CCDC6: variants seen among roughly 807,000 people sequenced by gnomAD.
CCDC6 encodes the protein coiled-coil domain-containing protein 6.
Under a neutral mutation model 56.6 loss-of-function variants are expected in CCDC6, and 20 were observed. That is an observed-to-expected ratio of 0.35 (90% CI 0.25 to 0.51). CCDC6 has a LOEUF of 0.51. Ranked by LOEUF, CCDC6 falls within the 20% of genes least tolerant of loss-of-function variation. The pLI is 0.95. For synonymous variants in CCDC6, 241 were observed against 234.4 expected (o/e 1.03, Z -0.26); for missense variants, 367 against 601.1 (o/e 0.61, Z 4.07).
rs1379049831 is a variant in CCDC6 at position 59,791,146 on chromosome 10, T to C, written c.*1771A>G. ...AAAACCTAAAGCCTCAATGATTAAATGCCAAACTTCTTCCCTGCATCTGAG... is the reference window on the plus strand; with the variant it reads ...AAAACCTAAAGCCTCAATGATTAAACGCCAAACTTCTTCCCTGCATCTGAG... On this transcript the variant is annotated 3_prime_UTR_variant, in exon 9 of 9. Coordinates refer to ENST00000263102, the MANE Select transcript of CCDC6 (RefSeq NM_005436.5). 1 of 198,068 alleles carries C rather than the reference T, an allele frequency of 5.0e-6. No homozygotes were observed. The highest frequency in any genetic ancestry group is 2.3e-5 in the African/African-American group (1 of 43,408). The allele number at this position is 198,068 out of a possible 1,614,324, so 12.3% of individuals were successfully genotyped here.
At chr10:59,866,224 A>G (rs942255379) in intron 1 of CCDC6, among the ~76,000 whole-genome samples, 10 of 152,264 alleles carry the variant, frequency 6.6e-5, no homozygotes, top group South Asian at 2.1e-4. Context: ...GCAATTAAAG[A>G]AAAGCAACAT....
chr10:59,906,314 G>T lies in CCDC6; in HGVS notation c.111C>A (p.Gly37=). The T allele has an allele frequency of 6.3e-7, 1 of 1,599,962 alleles. No homozygotes were observed. The change falls in exon 1 of 9, where the codon GGC becomes GGA. Residue 37 remains glycine, a synonymous_variant. Coordinates refer to ENST00000263102, the MANE Select transcript of CCDC6 (RefSeq NM_005436.5). The part of the protein sequence containing the change: ...CSSTSGGGGG[G]GGGGGGGKSG... ...ACTTCCCACCGCCGCCGCCTCCCCC[G>T]CCGCCACCGCCGCCGCCCGAGGTCG... is the stretch of plus-strand genomic sequence containing the variant.
At chr10:59,795,633 C>G (rs1373531125) in intron 7 of CCDC6, among the ~76,000 whole-genome samples, 1 of 117,554 alleles carries the variant, frequency 8.5e-6, no homozygotes, top group African/African-American at 3.2e-5. Flanking sequence ...CTCCCCCCAC[C>G]CCACAACAGT....
In CCDC6 at chr10:59,856,528, C is replaced by T. The variant is rs368158340; in HGVS notation, c.304-3826G>A. On this transcript the variant is annotated intron_variant, in intron 1 of 8. Transcript: ENST00000263102. Reference sequence around the variant, plus strand: ...CTCTGTCTTAGTCCTGTTTATTCCCCCTTAATCCCAAGGCAAGACTTTTTA... The same window carrying T: ...CTCTGTCTTAGTCCTGTTTATTCCCTCTTAATCCCAAGGCAAGACTTTTTA... 9.2e-5 allele frequency among the ~76,000 whole-genome samples: 14 copies of T among 152,198 alleles called. No homozygotes were observed. The East Asian group carries it at 1.3e-3, about 15-fold the overall frequency.
intron 1 of CCDC6, among the ~76,000 whole-genome samples, chr10:59,865,846 T>A (rs2071172069): frequency 1.4e-5 from 1 of 71,312 alleles, no homozygotes; most frequent in African/African-American, 9.6e-5. Flanking sequence ...AGAGACTCCA[T>A]CTCCACAAAA....
At position 59,791,824 on chromosome 10, in the gene CCDC6, T is replaced by C. The variant is rs2070470487; in HGVS notation, c.*1093A>G. On this transcript the variant is annotated 3_prime_UTR_variant, in exon 9 of 9. Coordinates refer to ENST00000263102, the MANE Select transcript of CCDC6 (RefSeq NM_005436.5). ...AATAATGTATTCAGAATATACTTCT[T>C]TGTACACTGCACTTGCTTATACTGG... 1 of 217,390 alleles carries C rather than the reference T, an allele frequency of 4.6e-6. No homozygotes were observed. Among genetic ancestry groups the C allele is most frequent in the African/African-American group, 2.2e-5 (1 of 44,502 alleles). The allele number at this position is 217,390 out of a possible 1,614,324, so 13.5% of individuals were successfully genotyped here.
At chr10:59,804,574 G>C (rs1589035290) in intron 6 of CCDC6, 54 bp from the exon 7 acceptor site, 2 of 988,034 alleles carry the variant, frequency 2.0e-6, no homozygotes, top group East Asian at 4.8e-5. Context: ...ATAGGCCTTA[G>C]GAGAGTTTTT....
chr10:59,846,235 T>C (rs1023330714), intron 2 of CCDC6, among the ~76,000 whole-genome samples: 3 of 152,124 alleles, frequency 2.0e-5, no homozygotes, highest in African/African-American at 7.2e-5. Context: ...ACAGGACAAG[T>C]GAAAGAAGGC....
At chr10:59,882,072 C>CG (rs71185291) in intron 1 of CCDC6, among the ~76,000 whole-genome samples, 1 of 38,504 alleles carries the variant, frequency 2.6e-5, no homozygotes, top group African/African-American at 1.7e-4. Context: ...AGGAAAGCCG[C>CG]GGGGAGAAGG....
intron 1 of CCDC6, among the ~76,000 whole-genome samples, chr10:59,876,737 A>T (rs947250739): frequency 4.6e-5 from 7 of 152,122 alleles, no homozygotes; most frequent in African/African-American, 1.2e-4. Flanking sequence ...TATTAAAATT[A>T]AAAAAAATTA....
rs1180038450 is a variant in CCDC6 at position 59,858,769 on chromosome 10, G to A, written c.304-6067C>T. ...CACTGGTCACTTACTTGGATACAGA[G>A]CAATGAAAAATTGCTAGAAAAGTAG... On this transcript the variant is annotated intron_variant, in intron 1 of 8. Coordinates refer to ENST00000263102, the MANE Select transcript of CCDC6 (RefSeq NM_005436.5). Among the ~76,000 whole-genome samples the A allele has an allele frequency of 2.0e-5, 3 of 152,298 alleles. No individual in the cohort carries two copies. In the East Asian group the frequency reaches 5.8e-4, roughly 29 times the overall value.
At chr10:59,894,561 A>T (rs879814353) in intron 1 of CCDC6, among the ~76,000 whole-genome samples, 31 of 151,894 alleles carry the variant, frequency 2.0e-4, no homozygotes, top group Non-Finnish European at 3.8e-4. Context: ...TACAGCAGAC[A>T]CTCATGTTTG....
intron 1 of CCDC6, among the ~76,000 whole-genome samples, chr10:59,856,631 T>A (rs1250818996): frequency 6.6e-6 from 1 of 152,114 alleles, no homozygotes; most frequent in Non-Finnish European, 1.5e-5. Flanking sequence ...GACAGTGGCC[T>A]ACAAGCAAAG....
intron 7 of CCDC6, among the ~76,000 whole-genome samples, chr10:59,797,675 T>C (rs527795233): frequency 1.1e-5 from 1 of 91,946 alleles, no homozygotes; most frequent in African/African-American, 6.2e-5. Flanking sequence ...AGAGAGAGAG[T>C]GAGAGTGTTG....
chr10:59,888,193 A>T (rs2071396908), intron 1 of CCDC6, among the ~76,000 whole-genome samples: 2 of 152,208 alleles, frequency 1.3e-5, no homozygotes, highest in African/African-American at 4.8e-5. Context: ...GGCTTCACAC[A>T]TAGCACCGCA....
chr10:59,861,584 G>C (rs2071129322), intron 1 of CCDC6, among the ~76,000 whole-genome samples: 2 of 151,952 alleles, frequency 1.3e-5, no homozygotes, highest in Non-Finnish European at 1.5e-5. Flanking sequence ...TAATGGAAAA[G>C]GTAAACAACA....
At chr10:59,804,037 T>G (rs949237643) in intron 7 of CCDC6, among the ~76,000 whole-genome samples, 1 of 152,218 alleles carries the variant, frequency 6.6e-6, no homozygotes, top group African/African-American at 2.4e-5. Context: ...GATTAATGTA[T>G]GTGGAATATG....
intron 2 of CCDC6, among the ~76,000 whole-genome samples, chr10:59,849,123 A>G (rs2071017392): frequency 6.6e-6 from 1 of 152,262 alleles, no homozygotes. Flanking sequence ...AGTAGAATTT[A>G]GCTCTAATGT....
intron 1 of CCDC6, among the ~76,000 whole-genome samples, chr10:59,862,086 G>T (rs2071133799): frequency 1.3e-5 from 2 of 152,136 alleles, no homozygotes; most frequent in South Asian, 4.1e-4. Flanking sequence ...AGAGAAAAAG[G>T]ACAGTATAAA....
Sources: allele counts gnomAD v4.1 joint callset (sites outside exome capture counted in the v4.1 genomes callset), GRCh38; gene constraint gnomAD v4.1.1; transcripts MANE v1.5; gene names NCBI Gene and HGNC (gene_info 2026-07-23, HGNC 2026-07-21).